The following BCAS3 variants were observed in gnomAD, a reference collection of about 807,000 sequenced individuals.
BCAS3 encodes the protein BCAS4/BCAS3 fusion.
Under a neutral mutation model 116.1 loss-of-function variants are expected in BCAS3, and 53 were observed. That is an observed-to-expected ratio of 0.46 (90% confidence interval 0.37 to 0.57). BCAS3 has a LOEUF of 0.57. BCAS3 is among the 20% of genes least tolerant of loss of function. The pLI is 0.00. For missense variants in BCAS3, 917 were observed against 1,165.4 expected, an observed-to-expected ratio of 0.79 and a Z score of 3.10; for synonymous variants, 391 against 408.2, an observed-to-expected ratio of 0.96 and a Z score of 0.51.
At chr17:60,974,293 C>T (rs1017182479) in intron 14 of BCAS3, among the ~76,000 whole-genome samples, 1 of 152,154 alleles carries the variant, frequency 6.6e-6, no homozygotes, top group East Asian at 1.9e-4. Context: ...AATGTAGTAA[C>T]ATTTAATTCT....
intron 9 of BCAS3, among the ~76,000 whole-genome samples, chr17:60,882,033 A>T (rs1290225202): frequency 4.7e-5 from 7 of 148,012 alleles, no homozygotes; most frequent in South Asian, 4.2e-4. Flanking sequence ...TCCACAATGG[A>T]TGAACTAGTT....
chr17:61,275,120 G>C (rs1245753875), intron 22 of BCAS3, among the ~76,000 whole-genome samples: 1 of 151,962 alleles, frequency 6.6e-6, no homozygotes, highest in East Asian at 1.9e-4. Flanking sequence ...CAAAGTACTA[G>C]GATTACAGGC....
intron 6 of BCAS3, among the ~76,000 whole-genome samples, chr17:60,788,124 C>T (rs1048658964): frequency 2.6e-5 from 4 of 152,096 alleles, no homozygotes; most frequent in African/African-American, 9.7e-5. Context: ...AGGATTAAAA[C>T]ACTAAGGGAT....
chr17:61,206,743 G>A (rs930584795), intron 22 of BCAS3, among the ~76,000 whole-genome samples: 4 of 140,144 alleles, frequency 2.9e-5, no homozygotes, highest in African/African-American at 1.0e-4. Context: ...AGAGGTTGAC[G>A]TGAGCCAAGA....
chr17:61,018,755 A>G (rs1051561624), intron 16 of BCAS3, among the ~76,000 whole-genome samples: 1 of 152,136 alleles, frequency 6.6e-6, no homozygotes, highest in African/African-American at 2.4e-5. Flanking sequence ...TTATCCCTAC[A>G]TACTTCAATG....
intron 5 of BCAS3, among the ~76,000 whole-genome samples, chr17:60,714,156 T>G (rs371974860): frequency 2.6e-5 from 4 of 152,232 alleles, no homozygotes; most frequent in African/African-American, 7.2e-5. Context: ...AAAATAGAGA[T>G]GAAATCTCAC....
chr17:60,893,989 T>A (rs2057349682), intron 10 of BCAS3, among the ~76,000 whole-genome samples: 1 of 152,154 alleles, frequency 6.6e-6, no homozygotes, highest in Admixed American at 6.5e-5. Context: ...GGCAGTGTGA[T>A]GCTTCCTGAT....
intron 22 of BCAS3, among the ~76,000 whole-genome samples, chr17:61,094,315 G>T (rs1276846825): frequency 1.3e-5 from 2 of 152,190 alleles, no homozygotes; most frequent in East Asian, 3.8e-4. Context: ...ATTGTGATTT[G>T]TAAACTGAAC....
intron 22 of BCAS3, among the ~76,000 whole-genome samples, chr17:61,255,038 G>A (rs2048683012): frequency 6.6e-6 from 1 of 151,942 alleles, no homozygotes. Context: ...TTCCTCTTTG[G>A]GACTTTGGTT....
At chr17:60,783,947 A>G (rs148190790) in intron 6 of BCAS3, among the ~76,000 whole-genome samples, 440 of 152,298 alleles carry the variant, frequency 2.9e-3, no homozygotes, top group Non-Finnish European at 4.5e-3. Context: ...TTGGCCACAT[A>G]AAGTTTCCTT....
At chr17:60,690,964 ACT>A (rs2143859890) in intron 4 of BCAS3, among the ~76,000 whole-genome samples, 1 of 151,326 alleles carries the variant, frequency 6.6e-6, no homozygotes, top group South Asian at 2.1e-4. Context: ...AGGGAGTCTC[ACT>A]CTGTCGCCCA....
At chr17:60,951,786 T>TTTTTTTTTTC (rs2060848660) in intron 14 of BCAS3, among the ~76,000 whole-genome samples, 1 of 124,050 alleles carries the variant, frequency 8.1e-6, no homozygotes, top group Non-Finnish European at 1.6e-5. Context: ...TTTTTTTTTT[T>TTTTTTTTTTC]CTTTGGAGAC....
Position 61,008,073 on chromosome 17 carries a change from A to G in BCAS3, c.1487-7678A>G, listed in dbSNP as rs776630453. ...ACACACACACACACACATAAAATTC[A>G]TTTTCTTTTAGTGTGTGTTCTACTC... is the stretch of plus-strand genomic sequence containing the variant. On this transcript the variant is annotated intron_variant, in intron 15 of 23. Transcript: ENST00000407086. The surrounding 1 kb of genome is among the most constrained non-coding windows in gnomAD (Gnocchi z 4.6). Among the ~76,000 whole-genome samples the G allele has an allele frequency of 1.3e-5, 2 of 151,734 alleles. No individual in the cohort carries two copies. The highest frequency in any genetic ancestry group is 2.9e-5 in the Non-Finnish European group (2 of 67,902).
chr17:60,796,967 G>A (rs1282794377), intron 6 of BCAS3, among the ~76,000 whole-genome samples: 2 of 152,128 alleles, frequency 1.3e-5, no homozygotes, highest in Admixed American at 6.5e-5. Context: ...GTGCTGTGGC[G>A]TGATCTCGGC....
In BCAS3 at chr17:61,041,027, A is replaced by G. The variant is rs2067464894; in HGVS notation, c.2029+135A>G. ...AAAGAATCAGTTTGAGGCAAATAAG[A>G]TATTTAATATGAATATAAACTGTAA... On this transcript the variant is annotated intron_variant, in intron 19 of 23. Transcript: ENST00000407086. This position sits in a 1 kb window ranked among gnomAD's most constrained non-coding sequence, Gnocchi z 4.7. 1 of 649,252 alleles carries G rather than the reference A, an allele frequency of 1.5e-6. No individual in the cohort carries two copies. Among genetic ancestry groups the G allele is most frequent in the East Asian group, 2.7e-5 (1 of 37,116 alleles). The allele number at this position is 649,252 out of a possible 1,614,324, so 40.2% of individuals were successfully genotyped here. A position where few individuals can be genotyped will look rare whatever the true frequency, so the allele number is the denominator to read the frequency against.
rs1291258152 is a variant in BCAS3 at position 61,300,497 on chromosome 17, T to A, written c.2426-67830T>A. ...AAACCCATTGTGCTTAAGTACCAGA[T>A]TTCATTGCAGACTCTTTAGAAAAAA... On this transcript the variant is annotated intron_variant, in intron 22 of 23. Transcript: ENST00000407086. This position sits in a 1 kb window ranked among gnomAD's most constrained non-coding sequence, Gnocchi z 5.1. Among the ~76,000 whole-genome samples the A allele has an allele frequency of 6.6e-6, 1 of 152,154 alleles. No individual in the cohort carries two copies. Among genetic ancestry groups the A allele is most frequent in the Non-Finnish European group, 1.5e-5 (1 of 68,034 alleles).
At chr17:61,053,337 T>G (rs1269470175) in intron 19 of BCAS3, among the ~76,000 whole-genome samples, 1 of 152,222 alleles carries the variant, frequency 6.6e-6, no homozygotes, top group African/African-American at 2.4e-5. Flanking sequence ...GGGTTTAGAA[T>G]GAAGTCATTT....
chr17:60,855,452 ATTTTTTT>A (rs565603643), intron 7 of BCAS3, among the ~76,000 whole-genome samples: 2 of 125,754 alleles, frequency 1.6e-5, no homozygotes, highest in African/African-American at 6.2e-5. Flanking sequence ...CTATTTTTAA[ATTTTTTT>A]TTTTTTTTTT....
chr17:61,283,769 A>T (rs1049062420), intron 22 of BCAS3, among the ~76,000 whole-genome samples: 10 of 147,668 alleles, frequency 6.8e-5, no homozygotes, highest in African/African-American at 1.5e-4. Context: ...TGATTTTTTA[A>T]AAAAAAATTT....
Sources: gnomAD v4.1 joint callset for allele counts (sites outside exome capture counted in the v4.1 genomes callset) on GRCh38, gnomAD v4.1.1 for gene constraint, Gnocchi (gnomAD v3.1) non-coding constraint, MANE v1.5 for transcripts, NCBI Gene and HGNC (gene_info 2026-07-23, HGNC 2026-07-21) for gene names.